The following URAD variants were observed in gnomAD, a reference collection of about 807,000 sequenced individuals.
The protein encoded by URAD is putative 2-oxo-4-hydroxy-4-carboxy-5-ureidoimidazoline decarboxylase.
Under a neutral mutation model 4.6 loss-of-function variants are expected in URAD, and 4 were observed. The observed-to-expected ratio is 0.87, with a 90% CI of 0.43 to 1.98. The LOEUF (loss-of-function observed/expected upper bound fraction) is 1.98, where lower values mean the gene tolerates loss of function less well. Ranked by LOEUF, URAD falls within the 30% of genes most tolerant of loss-of-function variation. The pLI is 0.03. For synonymous variants in URAD, 144 were observed against 118.2 expected (o/e 1.22, Z -1.41); for missense variants, 300 against 255.3 (o/e 1.18, Z -1.19).
chr13:27,980,763 C>A (rs1286996939), intron 1 of URAD, among the ~76,000 whole-genome samples: 2 of 152,132 alleles, frequency 1.3e-5, no homozygotes, highest in African/African-American at 2.4e-5. Context: ...GGCGGCGTCC[C>A]GCCAACGTGG....
In URAD at chr13:27,978,523, C is replaced by A. The variant is rs918989147; in HGVS notation, c.176-71G>T. On this transcript the variant is annotated intron_variant, in intron 1 of 1. Coordinates refer to ENST00000332715, the MANE Select transcript of URAD (RefSeq NM_001105577.2). Reference sequence around the variant, plus strand: ...GTCCCGCACCGCGCACTCGAGGGGGCGCGTAGGCCGCGCCCGGCCCCCCTG... The same window carrying A: ...GTCCCGCACCGCGCACTCGAGGGGGAGCGTAGGCCGCGCCCGGCCCCCCTG... 4.4e-5 allele frequency: 51 copies of A among 1,157,720 alleles called. No homozygotes were observed. In the East Asian group the frequency reaches 1.6e-3, roughly 37 times the overall value. 71.7% of individuals were successfully genotyped at this position (1,157,720 alleles called of 1,614,324 possible).
intron 1 of URAD, among the ~76,000 whole-genome samples, chr13:27,986,807 G>T (rs1870041400): frequency 6.6e-6 from 1 of 152,098 alleles, no homozygotes; most frequent in Non-Finnish European, 1.5e-5. Context: ...GGGCTCCGGG[G>T]CCTCCTGCTC....
At chr13:27,987,540 G>T (rs997838011) in intron 1 of URAD, among the ~76,000 whole-genome samples, 4 of 152,158 alleles carry the variant, frequency 2.6e-5, no homozygotes, top group Non-Finnish European at 4.4e-5. Flanking sequence ...AAAGTCAGCC[G>T]ATTGCCCTTT....
In URAD at chr13:27,988,451, C is replaced by T. The variant is rs775675781; in HGVS notation, c.175+12G>A. On this transcript the variant is annotated intron_variant, in intron 1 of 1. Transcript: ENST00000332715. ...ATCCCTTTGCAGAGAATGTCTGATA[C>T]GGAAGCCTTACCTGACTGTGCAAGG... is the stretch of plus-strand genomic sequence containing the variant. The T allele has an allele frequency of 1.2e-5, 19 of 1,571,466 alleles. No individual in the cohort carries two copies. Among genetic ancestry groups the T allele is most frequent in the African/African-American group, 9.6e-5 (7 of 72,920 alleles).
chr13:27,978,233 G>T lies in URAD; in HGVS notation c.395C>A (p.Pro132Gln), dbSNP rs778399045. 2.0e-6 allele frequency: 3 copies of T among 1,464,926 alleles called. No homozygotes were observed. The highest frequency in any genetic ancestry group is 5.3e-5 in the Admixed American group (2 of 38,014). 90.7% of individuals were successfully genotyped at this position (1,464,926 alleles called of 1,614,324 possible). A position where few individuals can be genotyped will look rare whatever the true frequency, so the allele number is the denominator to read the frequency against. Residue 132 changes from proline to glutamine, a missense_variant, in exon 2 of 2, where the codon CCG becomes CAG. Coordinates refer to ENST00000332715, the MANE Select transcript of URAD (RefSeq NM_001105577.2). ...AARFSDRTAV[P>Q]RELARRLLCP... is the part of the protein sequence containing the mutation. ...GAGCAGCCGGCGCGCCAGCTCGCGCGGCACCGCCGTCCGGTCGCTGAAGCG... is the reference window on the plus strand; with the variant it reads ...GAGCAGCCGGCGCGCCAGCTCGCGCTGCACCGCCGTCCGGTCGCTGAAGCG...
chr13:27,982,753 TAA>T (rs1038636554), intron 1 of URAD, among the ~76,000 whole-genome samples: 5 of 150,814 alleles, frequency 3.3e-5, no homozygotes, highest in African/African-American at 1.2e-4. Flanking sequence ...TTCTCAACTC[TAA>T]GTCTTCCTCA....
At chr13:27,988,106 G>A (rs532071420) in intron 1 of URAD, among the ~76,000 whole-genome samples, 35 of 152,184 alleles carry the variant, frequency 2.3e-4, no homozygotes, top group African/African-American at 7.7e-4. Context: ...CTACAGGCAC[G>A]TGCCACCACG....
At chr13:27,978,564 C>T (rs1869788525) in intron 1 of URAD, 112 bp from the exon 2 acceptor site, 1 of 833,640 alleles carries the variant, frequency 1.2e-6, no homozygotes, top group African/African-American at 1.8e-5. Flanking sequence ...CCCCGCCCCG[C>T]CCGGCCCCAA....
chr13:27,985,339 T>C (rs1480769951), intron 1 of URAD, among the ~76,000 whole-genome samples: 3 of 151,836 alleles, frequency 2.0e-5, no homozygotes, highest in Admixed American at 6.6e-5. Context: ...GTGCCTGTAA[T>C]CCCAGCTACG....
intron 1 of URAD, among the ~76,000 whole-genome samples, chr13:27,987,802 G>A (rs372275413): frequency 2.6e-5 from 4 of 151,938 alleles, no homozygotes; most frequent in South Asian, 2.1e-4. Flanking sequence ...TGACTCTTAC[G>A]GACTAGACCT....
In URAD at chr13:27,978,113, T is replaced by G. The variant is rs1458692841; in HGVS notation, c.515A>C (p.Lys172Thr). 6.6e-7 allele frequency: 1 copy of G among 1,514,052 alleles called. No homozygotes were observed. Among genetic ancestry groups the G allele is most frequent in the Non-Finnish European group, 8.7e-7 (1 of 1,145,068 alleles). 93.8% of individuals were successfully genotyped at this position (1,514,052 alleles called of 1,614,324 possible). A position where few individuals can be genotyped will look rare whatever the true frequency, so the allele number is the denominator to read the frequency against. The change falls in exon 2 of 2, where the codon AAG (lysine) becomes ACG (threonine). Residue 172 changes from lysine to threonine, a missense_variant. Physicochemically the swap from Lys to Thr is moderately conservative, Grantham distance 78 (BLOSUM62 -1). Transcript: ENST00000332715. ...LADLLRADPA[K>T]L ...CCCTGGCCCGCGCGGCAGCTACAGCTTGGCGGGGTCTGCGCGGAGGAGGTC... is the reference window on the plus strand; with the variant it reads ...CCCTGGCCCGCGCGGCAGCTACAGCGTGGCGGGGTCTGCGCGGAGGAGGTC...
In URAD at chr13:27,985,050, G is replaced by A. The variant is rs183588838; in HGVS notation, c.175+3413C>T. 2.0e-3 allele frequency among the ~76,000 whole-genome samples: 309 copies of A among 152,334 alleles called. 1 individual carries two copies. Among genetic ancestry groups the A allele is most frequent in the Non-Finnish European group, 3.5e-3 (236 of 68,034 alleles). On this transcript the variant is annotated intron_variant, in intron 1 of 1. Coordinates refer to ENST00000332715, the MANE Select transcript of URAD (RefSeq NM_001105577.2). ...TAAAAATTATACATGTTTATGGTGT[G>A]CACCTTGATGCTTTCCATATATGTA...
intron 1 of URAD, among the ~76,000 whole-genome samples, chr13:27,983,915 T>C (rs185190878): frequency 2.6e-5 from 4 of 152,326 alleles, no homozygotes; most frequent in Admixed American, 2.6e-4. Context: ...TTTAATAGCT[T>C]GATCCAAAAC....
intron 1 of URAD, among the ~76,000 whole-genome samples, chr13:27,978,889 G>T (rs1031216262): frequency 2.6e-5 from 4 of 152,102 alleles, no homozygotes; most frequent in African/African-American, 7.2e-5. Flanking sequence ...CTCAGGGGGG[G>T]CTTTGATGTC....
Position 27,978,334 on chromosome 13 carries a change from C to G in URAD, c.294G>C (p.Ala98=), listed in dbSNP as rs1319479354. 11 of 1,394,196 alleles carry G rather than the reference C, an allele frequency of 7.9e-6. No individual in the cohort carries two copies. The highest frequency in any genetic ancestry group is 4.8e-5 in the South Asian group (3 of 63,124). The allele number at this position is 1,394,196 out of a possible 1,614,324, so 86.4% of individuals were successfully genotyped here. A position where few individuals can be genotyped will look rare whatever the true frequency, so the allele number is the denominator to read the frequency against. ...GCTCGGCCAGCCGCAGCCGCTCGTC[C>G]GCGCCCAGGCTCCTCAGGCCTGCGC... ...QSGAGLRSLG[A]DERLRLAELN... Residue 98 remains alanine, a synonymous_variant, in exon 2 of 2, where the codon GCG becomes GCC. Transcript: ENST00000332715.
At chr13:27,983,567 G>A (rs1192511664) in intron 1 of URAD, among the ~76,000 whole-genome samples, 1 of 152,052 alleles carries the variant, frequency 6.6e-6, no homozygotes, top group East Asian at 1.9e-4. Flanking sequence ...CTAGATTTCA[G>A]CTACTTATTT....
rs1005874644 is a variant in URAD at position 27,978,017 on chromosome 13, G to C, written c.*89C>G. The C allele has an allele frequency of 4.4e-6, 5 of 1,145,738 alleles. No homozygotes were observed. The highest frequency in any genetic ancestry group is 5.7e-6 in the Non-Finnish European group (5 of 870,492). The allele number at this position is 1,145,738 out of a possible 1,614,324, so 71.0% of individuals were successfully genotyped here. A position where few individuals can be genotyped will look rare whatever the true frequency, so the allele number is the denominator to read the frequency against. On this transcript the variant is annotated 3_prime_UTR_variant, in exon 2 of 2. Transcript: ENST00000332715. ...CGTGTGTGGACGCTGTTCCAGGCCCGAGTCCGCCTCCCGCCCAGGACGCAC... is the reference window on the plus strand; with the variant it reads ...CGTGTGTGGACGCTGTTCCAGGCCCCAGTCCGCCTCCCGCCCAGGACGCAC...
At chr13:27,983,315 C>T (rs1489484029) in intron 1 of URAD, among the ~76,000 whole-genome samples, 4 of 152,000 alleles carry the variant, frequency 2.6e-5, no homozygotes, top group South Asian at 4.2e-4. Context: ...CTGCAACCTC[C>T]GTCTTCCGGG....
chr13:27,978,646 C>A (rs1464199187), intron 1 of URAD, among the ~76,000 whole-genome samples, 194 bp from the exon 2 acceptor site: 1 of 152,210 alleles, frequency 6.6e-6, no homozygotes, highest in Non-Finnish European at 1.5e-5. Context: ...GCCCTTGGCG[C>A]GCCCCTCTAA....
Sources: allele counts gnomAD v4.1 joint callset (sites outside exome capture counted in the v4.1 genomes callset), GRCh38; gene constraint gnomAD v4.1.1; transcripts MANE v1.5; gene names NCBI Gene and HGNC (gene_info 2026-07-23, HGNC 2026-07-21).